Variants in ARSB observed in about 807,000 individuals in gnomAD.
The protein encoded by ARSB is arylsulfatase B.
A neutral mutation model predicts 50.9 loss-of-function variants in ARSB; 41 were observed. That is an observed-to-expected ratio of 0.81 (90% CI 0.63 to 1.04). ARSB has a LOEUF of 1.04. Among genes scored for constraint, ARSB ranks in the 50% least tolerant of loss-of-function variants. ARSB has a pLI of 0.00. For missense variants in ARSB, 672 were observed against 693.3 expected, an observed-to-expected ratio of 0.97 and a Z score of 0.35; for synonymous variants, 269 against 284.8, an observed-to-expected ratio of 0.94 and a Z score of 0.56.
chr5:78,972,990 C>T (rs967051953), intron 1 of ARSB, among the ~76,000 whole-genome samples: 9 of 152,138 alleles, frequency 5.9e-5, no homozygotes, highest in African/African-American at 1.9e-4. Context: ...AACATGTTTT[C>T]GGTCTGTTCA....
chr5:78,779,631 A>G lies in ARSB; in HGVS notation c.*766T>C, dbSNP rs1473021367. 2 of 152,448 alleles carry G rather than the reference A, an allele frequency of 1.3e-5. No homozygotes were observed. Among genetic ancestry groups the G allele is most frequent in the Admixed American group, 6.5e-5 (1 of 15,276 alleles). 9.4% of individuals were successfully genotyped at this position (152,448 alleles called of 1,614,324 possible). ...GGCAGGGCTCAGCAGCGTTCCAGAA[A>G]TCAGGGGTGCTCAGGTAGAGAAGCA... On this transcript the variant is annotated 3_prime_UTR_variant, in exon 8 of 8. Coordinates refer to ENST00000264914, the MANE Select transcript of ARSB (RefSeq NM_000046.5).
intron 5 of ARSB, among the ~76,000 whole-genome samples, chr5:78,871,036 G>A (rs2112150274): frequency 6.7e-6 from 1 of 150,276 alleles, no homozygotes; most frequent in African/African-American, 2.4e-5. Context: ...CAAACAGAGA[G>A]CCAAATCATG....
At chr5:78,920,299 T>G (rs1483892710) in intron 4 of ARSB, among the ~76,000 whole-genome samples, 1 of 152,206 alleles carries the variant, frequency 6.6e-6, no homozygotes, top group African/African-American at 2.4e-5. Flanking sequence ...ATCCCAGCAC[T>G]TTGGGAGGCC....
chr5:78,861,011 G>A (rs1291576340), intron 5 of ARSB, among the ~76,000 whole-genome samples: 1 of 152,170 alleles, frequency 6.6e-6, no homozygotes, highest in Non-Finnish European at 1.5e-5. Flanking sequence ...AGAAAATCTA[G>A]AAGAAATGGA....
chr5:78,875,127 A>G (rs1488698831), intron 5 of ARSB, among the ~76,000 whole-genome samples: 1 of 152,110 alleles, frequency 6.6e-6, no homozygotes, highest in East Asian at 1.9e-4. Flanking sequence ...AAAAAACAAT[A>G]ATAATAATTG....
chr5:78,861,170 T>A (rs546311879), intron 5 of ARSB, among the ~76,000 whole-genome samples: 2 of 152,310 alleles, frequency 1.3e-5, no homozygotes, highest in African/African-American at 4.8e-5. Flanking sequence ...CACAGCCGAA[T>A]TCTACCAGAG....
intron 4 of ARSB, among the ~76,000 whole-genome samples, chr5:78,954,477 T>A: frequency 6.6e-6 from 1 of 152,308 alleles, no homozygotes; most frequent in East Asian, 1.9e-4. Context: ...AATTTGTCTA[T>A]AATAACATAT....
chr5:78,931,515 T>G (rs1750327299), intron 4 of ARSB, among the ~76,000 whole-genome samples: 1 of 152,126 alleles, frequency 6.6e-6, no homozygotes, highest in Non-Finnish European at 1.5e-5. Context: ...TCTCTGGCCA[T>G]TTCACTGCTC....
chr5:78,862,345 C>T (rs529496113), intron 5 of ARSB, among the ~76,000 whole-genome samples: 158 of 152,252 alleles, frequency 1.0e-3, no homozygotes, highest in Admixed American at 3.9e-3. Flanking sequence ...GGAGGCATCA[C>T]GCTACCTGAC....
Position 78,778,515 on chromosome 5 carries a change from C to A in ARSB, c.*1882G>T, listed in dbSNP as rs950517265. 2 of 152,092 alleles carry A rather than the reference C, an allele frequency of 1.3e-5. No homozygotes were observed. The highest frequency in any genetic ancestry group is 4.8e-5 in the African/African-American group (2 of 41,412). The allele number at this position is 152,092 out of a possible 1,614,324, so 9.4% of individuals were successfully genotyped here. ...CTTTGGTAGGCACAGTTCCTTTTCT[C>A]CCCCCACTGGAGAGGACGCTACAAC... On this transcript the variant is annotated 3_prime_UTR_variant, in exon 8 of 8. Transcript: ENST00000264914.
At position 78,777,873 on chromosome 5, in the gene ARSB, T is replaced by TAAAAA. The variant is rs1561419788; in HGVS notation, c.*2523_*2524insTTTTT. 5.7e-3 allele frequency: 770 copies of TAAAAA among 135,640 alleles called. 7 individuals are homozygous for TAAAAA. The highest frequency in any genetic ancestry group is 0.021 in the African/African-American group (725 of 34,528). The allele number at this position is 135,640 out of a possible 1,614,324, so 8.4% of individuals were successfully genotyped here. A position where few individuals can be genotyped will look rare whatever the true frequency, so the allele number is the denominator to read the frequency against. On this transcript the variant is annotated 3_prime_UTR_variant, in exon 8 of 8. Coordinates refer to ENST00000264914, the MANE Select transcript of ARSB (RefSeq NM_000046.5). ...TCTCAAAAAAAAAAAAAAAAAAAAT[T>TAAAAA]GGAAAGAAATAACATTATTTCTAAC...
At chr5:78,841,132 GTAC>G (rs71613989) in intron 5 of ARSB, among the ~76,000 whole-genome samples, 9 of 134,664 alleles carry the variant, frequency 6.7e-5, no homozygotes, top group East Asian at 2.0e-4. Flanking sequence ...GACCTGGTCT[GTAC>G]TACTACTACT....
At chr5:78,957,559 G>A (rs539199366) in intron 3 of ARSB, among the ~76,000 whole-genome samples, 1 of 152,068 alleles carries the variant, frequency 6.6e-6, no homozygotes, top group East Asian at 1.9e-4. Context: ...TGTAGAACCC[G>A]TACTTCCATT....
At chr5:78,983,279 C>A (rs1752996461) in intron 1 of ARSB, among the ~76,000 whole-genome samples, 1 of 152,134 alleles carries the variant, frequency 6.6e-6, no homozygotes, top group Non-Finnish European at 1.5e-5. Flanking sequence ...GTCTCGAACT[C>A]CTGACCTCAG....
chr5:78,923,110 G>C (rs912377937), intron 4 of ARSB, among the ~76,000 whole-genome samples: 1 of 152,304 alleles, frequency 6.6e-6, no homozygotes, highest in South Asian at 2.1e-4. Context: ...GGAAAGGCTG[G>C]GAGAGCCAAA....
At chr5:78,917,393 T>G (rs1036428630) in intron 4 of ARSB, among the ~76,000 whole-genome samples, 2 of 152,224 alleles carry the variant, frequency 1.3e-5, no homozygotes, top group African/African-American at 4.8e-5. Flanking sequence ...TTATTGAAAT[T>G]TATTTATCTG....
At chr5:78,869,774 A>C (rs1747024969) in intron 5 of ARSB, among the ~76,000 whole-genome samples, 1 of 144,248 alleles carries the variant, frequency 6.9e-6, no homozygotes, top group Non-Finnish European at 1.5e-5. Flanking sequence ...AAGAGCAAAC[A>C]CATTCAAAAG....
chr5:78,797,833 G>GA (rs948937894), intron 6 of ARSB, among the ~76,000 whole-genome samples: 1 of 152,098 alleles, frequency 6.6e-6, no homozygotes, highest in African/African-American at 2.4e-5. Flanking sequence ...ATTTAAGGTG[G>GA]AAAAAATATA....
intron 6 of ARSB, among the ~76,000 whole-genome samples, chr5:78,825,932 G>T (rs1189757040): frequency 6.6e-6 from 1 of 151,954 alleles, no homozygotes; most frequent in Non-Finnish European, 1.5e-5. Flanking sequence ...GCTTTCTTAC[G>T]TCTCACTTTA....
Sources: allele counts gnomAD v4.1 joint callset (sites outside exome capture counted in the v4.1 genomes callset), GRCh38; gene constraint gnomAD v4.1.1; transcripts MANE v1.5; gene names NCBI Gene and HGNC (gene_info 2026-07-23, HGNC 2026-07-21).